The following ASPM variants were observed in gnomAD, a reference collection of about 807,000 sequenced individuals.
The protein encoded by ASPM is abnormal spindle-like microcephaly-associated protein.
ASPM carries 256 observed loss-of-function variants against 366.4 expected under a neutral mutation model. The observed-to-expected ratio is 0.70, with a 90% CI of 0.63 to 0.77. ASPM has a LOEUF of 0.77. Among genes scored for constraint, ASPM ranks in the 30% least tolerant of loss-of-function variants. The pLI is 0.00. For missense variants in ASPM, 4,146 were observed against 4,090.4 expected (o/e 1.01, Z -0.37); for synonymous variants, 1,414 against 1,342.9 (o/e 1.05, Z -1.16).
rs1243547838 is a variant in ASPM, at chr1:197,104,050, T to G, written c.5201A>C (p.Lys1734Thr). 1.2e-6 allele frequency: 2 copies of G among 1,612,972 alleles called. No homozygotes were observed. Among genetic ancestry groups the G allele is most frequent in the South Asian group, 1.1e-5 (1 of 91,054 alleles). The change falls in exon 18 of 28, where the codon AAA (lysine) becomes ACA (threonine). Residue 1734 changes from lysine (K) to threonine (T), a missense_variant. Transcript: ENST00000367409. The stretch of plus-strand genomic sequence containing the variant: ...GTATCCTCTAACAAATGCTTGCAGT[T>G]TGATACAAGATTCCCGCATCTGCAT... ...EYMQMRESCI[K>T]LQAFVRGYLV...
chr1:197,088,788 G>A (rs573749490), intron 25 of ASPM, among the ~76,000 whole-genome samples: 58 of 151,974 alleles, frequency 3.8e-4, no homozygotes, highest in Admixed American at 1.9e-3. Flanking sequence ...ACTTATCTGT[G>A]GTATTATTAA....
chr1:197,096,481 T>C (rs1656979694), intron 18 of ASPM, among the ~76,000 whole-genome samples: 1 of 151,786 alleles, frequency 6.6e-6, no homozygotes, highest in Non-Finnish European at 1.5e-5. Context: ...ATGTAAATTA[T>C]CCTCATCACC....
intron 12 of ASPM, 120 bp from the exon 13 acceptor site, chr1:197,124,451 G>T: frequency 1.3e-6 from 1 of 794,000 alleles, no homozygotes; most frequent in Non-Finnish European, 2.0e-6. Context: ...AAACCAGGAA[G>T]TTAAAAAAAT....
chr1:197,135,288 T>G, intron 4 of ASPM, 46 bp from the exon 5 acceptor site: 3 of 1,561,264 alleles, frequency 1.9e-6, no homozygotes, highest in Non-Finnish European at 2.7e-6. Flanking sequence ...TCCTTTAACT[T>G]ATTGTACAAT....
In ASPM at chr1:197,100,698, C is replaced by T. The variant is rs1003134691; in HGVS notation, c.8553G>A (p.Val2851=). Residue 2851 remains valine, a synonymous_variant, in exon 18 of 28, where the codon GTG becomes GTA. Transcript: ENST00000367409. ...LRIQFFLQMA[V]YRRRFVQQKR... ...TCTGCTGAACAAATCTTCTCCGATA[C>T]ACAGCCATCTGAAGGAAGAACTGAA... The T allele has an allele frequency of 1.2e-6, 2 of 1,612,298 alleles. No homozygotes were observed. Among genetic ancestry groups the T allele is most frequent in the African/African-American group, 2.7e-5 (2 of 74,798 alleles).
Position 197,122,205 on chromosome 1 carries a change from G to A in ASPM, c.3695C>T (p.Ala1232Val), listed in dbSNP as rs1657932207. 1 of 1,612,462 alleles carries A rather than the reference G, an allele frequency of 6.2e-7. No individual in the cohort carries two copies. Among genetic ancestry groups the A allele is most frequent in the South Asian group, 1.1e-5 (1 of 91,052 alleles). Residue 1232 changes from alanine (A) to valine (V), a missense_variant, in exon 15 of 28, where the codon GCT becomes GTT. Coordinates refer to ENST00000367409, the MANE Select transcript of ASPM (RefSeq NM_018136.5). ...SAVRDLGGIP[A>V]MINHSDMSNT... ...TGACATATCTGAATGATTAATCATA[G>A]CAGGTATTCCACCAAGGTCTCTAAC...
chr1:197,127,455 C>A (rs569827051), intron 10 of ASPM, among the ~76,000 whole-genome samples: 1 of 152,264 alleles, frequency 6.6e-6, no homozygotes, highest in East Asian at 1.9e-4. Context: ...TTCCTAAATA[C>A]ACAGAGAAAA....
Position 197,146,245 on chromosome 1 carries a change from G to T in ASPM, c.193C>A (p.Leu65Met), listed in dbSNP as rs780727023. Reference protein sequence around the residue: ...VLLGASRTLSLALDNPNEEVA... With the variant: ...VLLGASRTLSMALDNPNEEVA... ...TCCTCGTTAGGGTTGTCTAGGGCCA[G>T]AGACAGCGTCCGTGAGGCTCCCAGG... The change falls in exon 1 of 28, where the codon CTG (leucine) becomes ATG (methionine). Residue 65 changes from leucine (L) to methionine (M), a missense_variant. Leu to Met is a conservative substitution (Grantham distance 15). Transcript: ENST00000367409. 1.4e-5 allele frequency: 23 copies of T among 1,614,042 alleles called. No homozygotes were observed. The highest frequency in any genetic ancestry group is 1.9e-5 in the Non-Finnish European group (22 of 1,180,048).
At chr1:197,114,070 T>C (rs893984611) in intron 17 of ASPM, among the ~76,000 whole-genome samples, 8 of 152,172 alleles carry the variant, frequency 5.3e-5, no homozygotes, top group Middle Eastern at 3.4e-3. Flanking sequence ...ATATTGTAGG[T>C]TCAGTTCCAG....
intron 12 of ASPM, 61 bp downstream of exon 12, chr1:197,124,806 ATTG>A (rs1045753555): frequency 2.2e-5 from 28 of 1,302,094 alleles, no homozygotes; most frequent in Non-Finnish European, 3.1e-5. Context: ...TTAGATTCAA[ATTG>A]TTTTTATAAA....
At position 197,128,554 on chromosome 1, in the gene ASPM, A is replaced by C. The variant is rs1658160544; in HGVS notation, c.2872T>G (p.Phe958Val). Residue 958 changes from phenylalanine (F) to valine (V), a missense_variant, in exon 10 of 28, where the codon TTT (phenylalanine) becomes GTT (valine). Phe to Val is a conservative substitution (Grantham distance 50, BLOSUM62 -1). Coordinates refer to ENST00000367409, the MANE Select transcript of ASPM (RefSeq NM_018136.5). Reference sequence around the variant, plus strand: ...GTAACGGCAAAATCAAATTCATCAAATGGTGTCTGAACATGGTTAACAGGT... The same window carrying C: ...GTAACGGCAAAATCAAATTCATCAACTGGTGTCTGAACATGGTTAACAGGT... ...GLPVNHVQTP[F>V]DEFDFAVTNL... is the part of the protein sequence containing the mutation. The C allele has an allele frequency of 1.2e-5, 19 of 1,613,826 alleles. No individual in the cohort carries two copies. Among genetic ancestry groups the C allele is most frequent in the Non-Finnish European group, 1.6e-5 (19 of 1,179,766 alleles).
intron 17 of ASPM, among the ~76,000 whole-genome samples, chr1:197,108,699 A>C (rs1461977347): frequency 6.6e-6 from 1 of 152,050 alleles, no homozygotes; most frequent in Non-Finnish European, 1.5e-5. Context: ...GGCAAGGTGT[A>C]GTAGCTCACA....
chr1:197,093,037 C>T lies in ASPM; in HGVS notation c.9294+15G>A, dbSNP rs1242973362. The T allele has an allele frequency of 1.9e-6, 3 of 1,582,264 alleles. No homozygotes were observed. The highest frequency in any genetic ancestry group is 1.7e-5 in the Admixed American group (1 of 59,716). On this transcript the variant is annotated intron_variant, in intron 21 of 27. Transcript: ENST00000367409. ...CATTTTATAAGAATGAGATATGCTA[C>T]TTGAAAATACTTACTCTTTTTCGTA...
In ASPM at chr1:197,142,573, T is replaced by C. The variant is rs926719901; in HGVS notation, c.1679A>G (p.Asn560Ser). 8 of 1,613,882 alleles carry C rather than the reference T, an allele frequency of 5.0e-6. No individual in the cohort carries two copies. Among genetic ancestry groups the C allele is most frequent in the Non-Finnish European group, 6.8e-6 (8 of 1,179,756 alleles). ...TGTTGTCGAAGAGGGTGTTACCTCGTTTTTATAACTCTTAGATTTACTTAA... is the reference window on the plus strand; with the variant it reads ...TGTTGTCGAAGAGGGTGTTACCTCGCTTTTATAACTCTTAGATTTACTTAA... ...PILSKSKSYKNEVTPSSTTAS... is the reference protein window; with the variant it reads ...PILSKSKSYKSEVTPSSTTAS... Residue 560 changes from asparagine to serine, a missense_variant, in exon 3 of 28, where the codon AAC (asparagine) becomes AGC (serine). By Grantham distance (46) the Asn-to-Ser change is conservative. Coordinates refer to ENST00000367409, the MANE Select transcript of ASPM (RefSeq NM_018136.5).
At position 197,105,054 on chromosome 1, in the gene ASPM, T is replaced by G; in HGVS notation, c.4197A>C (p.Thr1399=). The G allele has an allele frequency of 6.2e-7, 1 of 1,610,316 alleles. No homozygotes were observed. Among genetic ancestry groups the G allele is most frequent in the Non-Finnish European group, 8.5e-7 (1 of 1,177,694 alleles). The change falls in exon 18 of 28, where the codon ACA becomes ACC. Residue 1399 remains threonine (T), a synonymous_variant. Transcript: ENST00000367409. ...SYKRYLWATV[T]IQRHWRAYLR... is the part of the protein sequence containing the mutation. Reference sequence around the variant, plus strand: ...AATAAGCACGCCAATGCCTCTGAATTGTAACTGTAGCCCAAAGATATCGTT... The same window carrying G: ...AATAAGCACGCCAATGCCTCTGAATGGTAACTGTAGCCCAAAGATATCGTT...
Position 197,104,863 on chromosome 1 carries a change from T to G in ASPM, c.4388A>C (p.Lys1463Thr). The G allele has an allele frequency of 6.2e-7, 1 of 1,602,366 alleles. No homozygotes were observed. The highest frequency in any genetic ancestry group is 2.2e-5 in the East Asian group (1 of 44,686). The stretch of plus-strand genomic sequence containing the variant: ...TATGATAATAGCAGAATTTTCTTCT[T>G]TAGCTTGTTTTCTTAAATGCCATTC... Reference protein sequence around the residue: ...FREWHLRKQAKEENSAIIIQS... With the variant: ...FREWHLRKQATEENSAIIIQS... The change falls in exon 18 of 28, where the codon AAA (lysine) becomes ACA (threonine). Residue 1463 changes from lysine (K) to threonine (T), a missense_variant. Lys to Thr is a moderately conservative substitution (Grantham distance 78). Coordinates refer to ENST00000367409, the MANE Select transcript of ASPM (RefSeq NM_018136.5).
In ASPM at chr1:197,104,729, T is replaced by C. The variant is rs1462885532; in HGVS notation, c.4522A>G (p.Lys1508Glu). 6 of 1,609,094 alleles carry C rather than the reference T, an allele frequency of 3.7e-6. No individual in the cohort carries two copies. The highest frequency in any genetic ancestry group is 3.3e-5 in the South Asian group (3 of 89,568). Residue 1508 changes from lysine to glutamate, a missense_variant, in exon 18 of 28, where the codon AAA becomes GAA. Lys to Glu is a moderately conservative substitution (Grantham distance 56). Transcript: ENST00000367409. ...GTTAGTATGGACTCTTTTCTTCTTT[T>C]ATATAACTTTTGGGCTTGAAAGCAC... is the stretch of plus-strand genomic sequence containing the variant. ...FRCFQAQKLY[K>E]RRKESILTIQ... is the part of the protein sequence containing the mutation.
At chr1:197,145,845 A>AATATATATAT (rs71131744) in intron 1 of ASPM, among the ~76,000 whole-genome samples, 51 of 147,730 alleles carry the variant, frequency 3.5e-4, no homozygotes, top group African/African-American at 1.2e-3. Context: ...TCAATTAGAG[A>AATATATATAT]ATATATATAT....
rs368979133 is a variant in ASPM at position 197,135,259 on chromosome 1, G to A, written c.2027-17C>T. ...TGGGAATATCTAAGAATACAATTAG[G>A]TTACTGCATAACAAAATTTCCTTTA... On this transcript the variant is annotated splice_polypyrimidine_tract_variant and intron_variant, in intron 4 of 27. Transcript: ENST00000367409. 11 of 1,613,214 alleles carry A rather than the reference G, an allele frequency of 6.8e-6. No homozygotes were observed. Among genetic ancestry groups the A allele is most frequent in the East Asian group, 2.2e-5 (1 of 44,822 alleles).
Sources: allele counts gnomAD v4.1 joint callset (sites outside exome capture counted in the v4.1 genomes callset), GRCh38; gene constraint gnomAD v4.1.1; transcripts MANE v1.5; gene names NCBI Gene and HGNC (gene_info 2026-07-23, HGNC 2026-07-21).